DEFB129: variants seen among roughly 807,000 people sequenced by gnomAD.
The protein encoded by DEFB129 is defensin beta 129.
In DEFB129, 2 loss-of-function variants were observed where a neutral mutation model predicts 2.5. The observed-to-expected ratio is 0.80, with a 90% CI of 0.33 to 2.53. DEFB129 has a LOEUF of 2.53. Ranked by LOEUF, DEFB129 falls within the 30% of genes most tolerant of loss-of-function variation. DEFB129 has a pLI of 0.11. For synonymous variants in DEFB129, 76 were observed against 74.4 expected, an observed-to-expected ratio of 1.02 and a Z score of -0.11; for missense variants, 177 against 216.9, an observed-to-expected ratio of 0.82 and a Z score of 1.16.
rs371566068 is a variant in DEFB129, at chr20:229,455, T to C, written c.236T>C (p.Val79Ala). ...ACACCAAATGTACTTAATGAAGACG[T>C]CCAAGAAATGCTAAAACCTGCCAAG... ...YGTPNVLNED[V>A]QEMLKPAKNS... Residue 79 changes from valine to alanine, a missense_variant, in exon 2 of 2, where the codon GTC (valine) becomes GCC (alanine). Transcript: ENST00000246105. The C allele has an allele frequency of 5.3e-5, 86 of 1,613,990 alleles. No individual in the cohort carries two copies. The highest frequency in any genetic ancestry group is 6.9e-5 in the Non-Finnish European group (82 of 1,180,020).
Position 229,323 on chromosome 20 carries a change from G to A in DEFB129, c.104G>A (p.Arg35Lys). Residue 35 changes from arginine to lysine, a missense_variant, in exon 2 of 2, where the codon AGG becomes AAG. Arg to Lys is a conservative substitution (Grantham distance 26, BLOSUM62 2). Transcript: ENST00000246105. Reference protein sequence around the residue: ...RRCLMGLGRCRDHCNVDEKEI... With the variant: ...RRCLMGLGRCKDHCNVDEKEI... ...TGTTTAATGGGTTTGGGGAGATGCA[G>A]GGATCACTGCAATGTGGATGAAAAA... 2.5e-6 allele frequency: 4 copies of A among 1,612,592 alleles called. 1 individual carries two copies. Among genetic ancestry groups the A allele is most frequent in the Non-Finnish European group, 3.4e-6 (4 of 1,179,460 alleles).
Position 229,534 on chromosome 20 carries a change from C to T in DEFB129, c.315C>T (p.Ile105=). Residue 105 remains isoleucine (I), a synonymous_variant, in exon 2 of 2, where the codon ATC becomes ATT. Transcript: ENST00000246105. ...ATATTTTATCTGTTCTCCCCCAAAT[C>T]AAAAGCACTAGCTTTTTTGCTAATA... ...RKHILSVLPQ[I]KSTSFFANTN... is the part of the protein sequence containing the mutation. The T allele has an allele frequency of 1.2e-6, 2 of 1,614,156 alleles. No individual in the cohort carries two copies. The highest frequency in any genetic ancestry group is 2.2e-5 in the South Asian group (2 of 91,078).
chr20:229,082 G>T (rs1226343909), intron 1 of DEFB129, among the ~76,000 whole-genome samples, 196 bp from the exon 2 acceptor site: 1 of 152,144 alleles, frequency 6.6e-6, no homozygotes, highest in Non-Finnish European at 1.5e-5. Context: ...GACTAAACAG[G>T]AAATTTACTT....
intron 1 of DEFB129, among the ~76,000 whole-genome samples, chr20:227,795 G>T (rs990872262): frequency 6.6e-6 from 1 of 151,740 alleles, no homozygotes; most frequent in African/African-American, 2.4e-5. Context: ...CCAACCCATC[G>T]CCCAGGTATT....
In DEFB129 at chr20:229,503, G is replaced by T. The variant is rs187224668; in HGVS notation, c.284G>T (p.Arg95Ile). The T allele has an allele frequency of 1.7e-4, 270 of 1,614,096 alleles. No individual in the cohort carries two copies. The East Asian group carries it at 5.9e-3, about 35-fold the overall frequency. ...PAKNSSAVIQRKHILSVLPQI... is the reference protein window; with the variant it reads ...PAKNSSAVIQIKHILSVLPQI... Reference sequence around the variant, plus strand: ...AAGAATTCTAGTGCTGTGATACAAAGAAAACATATTTTATCTGTTCTCCCC... The same window carrying T: ...AAGAATTCTAGTGCTGTGATACAAATAAAACATATTTTATCTGTTCTCCCC... The change falls in exon 2 of 2, where the codon AGA becomes ATA. Residue 95 changes from arginine to isoleucine, a missense_variant. Transcript: ENST00000246105.
Position 229,474 on chromosome 20 carries a change from T to A in DEFB129, c.255T>A (p.Pro85=). The change falls in exon 2 of 2, where the codon CCT becomes CCA. Residue 85 remains proline, a synonymous_variant. Coordinates refer to ENST00000246105, the MANE Select transcript of DEFB129 (RefSeq NM_080831.4). ...AAGACGTCCAAGAAATGCTAAAACCTGCCAAGAATTCTAGTGCTGTGATAC... is the reference window on the plus strand; with the variant it reads ...AAGACGTCCAAGAAATGCTAAAACCAGCCAAGAATTCTAGTGCTGTGATAC... ...LNEDVQEMLK[P]AKNSSAVIQR... The A allele has an allele frequency of 6.2e-7, 1 of 1,614,142 alleles. No individual in the cohort carries two copies. Among genetic ancestry groups the A allele is most frequent in the Non-Finnish European group, 8.5e-7 (1 of 1,180,006 alleles).
intron 1 of DEFB129, 29 bp downstream of exon 1, chr20:227,375 G>A (rs1463877020): frequency 1.1e-5 from 17 of 1,612,480 alleles, no homozygotes; most frequent in Non-Finnish European, 1.4e-5. Context: ...TTTAAGATGG[G>A]TAGATGAGAG....
chr20:228,998 A>T (rs2011309460), intron 1 of DEFB129, among the ~76,000 whole-genome samples: 1 of 152,234 alleles, frequency 6.6e-6, no homozygotes, highest in African/African-American at 2.4e-5. Flanking sequence ...AAGGTCTAAA[A>T]TTCCATCCTA....
chr20:229,146 A>T (rs1285587857), intron 1 of DEFB129, 132 bp from the exon 2 acceptor site: 1 of 1,232,832 alleles, frequency 8.1e-7, no homozygotes, highest in Non-Finnish European at 1.1e-6. Context: ...GCCTTCATCA[A>T]CATTCCTAAA....
chr20:227,325 C>CTACA lies in DEFB129; in HGVS notation c.38_41dup (p.Gln14HisfsTer30). The stretch of plus-strand genomic sequence containing the variant: ...TTTTCCTATCTTTGCCAGCCTCATG[C>CTACA]TACAGTACCAGGTGAACACAGGTAA... On this transcript the variant is annotated frameshift_variant, in exon 1 of 2. Transcript: ENST00000246105. LOFTEE classifies it low-confidence loss of function (END_TRUNC). 1 of 1,614,124 alleles carries CTACA rather than the reference C, an allele frequency of 6.2e-7. No homozygotes were observed. Among genetic ancestry groups the CTACA allele is most frequent in the Non-Finnish European group, 8.5e-7 (1 of 1,179,980 alleles).
Position 229,325 on chromosome 20 carries a change from G to GA in DEFB129, c.107dup (p.Asp36GlufsTer7). 3 of 1,613,052 alleles carry GA rather than the reference G, an allele frequency of 1.9e-6. No individual in the cohort carries two copies. Among genetic ancestry groups the GA allele is most frequent in the Non-Finnish European group, 2.5e-6 (3 of 1,179,618 alleles). ...TTTAATGGGTTTGGGGAGATGCAGGGATCACTGCAATGTGGATGAAAAAGA... is the reference window on the plus strand; with the variant it reads ...TTTAATGGGTTTGGGGAGATGCAGGGAATCACTGCAATGTGGATGAAAAAGA... On this transcript the variant is annotated frameshift_variant, in exon 2 of 2. Coordinates refer to ENST00000246105, the MANE Select transcript of DEFB129 (RefSeq NM_080831.4). LOFTEE classifies it low-confidence loss of function (END_TRUNC).
intron 1 of DEFB129, 35 bp from the exon 2 acceptor site, chr20:229,243 A>G: frequency 6.5e-7 from 1 of 1,539,142 alleles, no homozygotes. Context: ...CTAGTTATTA[A>G]CCTTGGCTCA....
At position 227,305 on chromosome 20, in the gene DEFB129, CTA is replaced by C. The variant is rs762620348; in HGVS notation, c.19_20del (p.Ile7LeufsTer35). On this transcript the variant is annotated frameshift_variant, in exon 1 of 2. Coordinates refer to ENST00000246105, the MANE Select transcript of DEFB129 (RefSeq NM_080831.4). LOFTEE classifies it low-confidence loss of function (END_TRUNC). The stretch of plus-strand genomic sequence containing the variant: ...CACCCAACCATGAAGCTCCTTTTTC[CTA>C]TCTTTGCCAGCCTCATGCTACAGTA... 9.3e-6 allele frequency: 15 copies of C among 1,614,008 alleles called. No homozygotes were observed. The Admixed American group carries it at 1.3e-4, about 14-fold the overall frequency.
In DEFB129 at chr20:229,562, A is replaced by G. The variant is rs1193659575; in HGVS notation, c.343A>G (p.Asn115Asp). ...AAGCACTAGCTTTTTTGCTAATACC[A>G]ACTTTGTCATCATTCCAAATGCCAC... ...IKSTSFFANTNFVIIPNATPM... is the reference protein window; with the variant it reads ...IKSTSFFANTDFVIIPNATPM... The change falls in exon 2 of 2, where the codon AAC (asparagine) becomes GAC (aspartate). Residue 115 changes from asparagine (N) to aspartate (D), a missense_variant. By Grantham distance (23) the Asn-to-Asp change is conservative (BLOSUM62 1). Coordinates refer to ENST00000246105, the MANE Select transcript of DEFB129 (RefSeq NM_080831.4). 1 of 1,614,162 alleles carries G rather than the reference A, an allele frequency of 6.2e-7. No individual in the cohort carries two copies. The highest frequency in any genetic ancestry group is 2.2e-5 in the East Asian group (1 of 44,890).
rs919055527 is a variant in DEFB129, at chr20:229,830, C to T, written c.*59C>T. On this transcript the variant is annotated 3_prime_UTR_variant, in exon 2 of 2. Coordinates refer to ENST00000246105, the MANE Select transcript of DEFB129 (RefSeq NM_080831.4). ...TCTATTTTTGCTATCTATAAAATGA[C>T]ATAGAACTGTTTCCTCTGTCATCAG... 5.2e-6 allele frequency: 8 copies of T among 1,543,102 alleles called. No individual in the cohort carries two copies. The highest frequency in any genetic ancestry group is 5.0e-5 in the South Asian group (4 of 79,794).
chr20:229,791 ACT>A lies in DEFB129; in HGVS notation c.*22_*23del. ...CAGTAATGTGGATCTTTCCCTTAAA[ACT>A]CCAAGTTCCTCTCTATTTTTGCTAT... On this transcript the variant is annotated 3_prime_UTR_variant, in exon 2 of 2. Transcript: ENST00000246105. 2 of 1,587,130 alleles carry A rather than the reference ACT, an allele frequency of 1.3e-6. No homozygotes were observed. The highest frequency in any genetic ancestry group is 1.7e-6 in the Non-Finnish European group (2 of 1,171,538).
intron 1 of DEFB129, among the ~76,000 whole-genome samples, chr20:228,141 T>G (rs1312368851): frequency 1.3e-5 from 2 of 152,214 alleles, no homozygotes; most frequent in Non-Finnish European, 2.9e-5. Context: ...GATTAACCAT[T>G]GTTTTTGGAA....
At position 229,808 on chromosome 20, in the gene DEFB129, A is replaced by C; in HGVS notation, c.*37A>C. 1.9e-6 allele frequency: 3 copies of C among 1,572,534 alleles called. No individual in the cohort carries two copies. Among genetic ancestry groups the C allele is most frequent in the Non-Finnish European group, 2.6e-6 (3 of 1,166,310 alleles). ...CCCTTAAAACTCCAAGTTCCTCTCT[A>C]TTTTTGCTATCTATAAAATGACATA... On this transcript the variant is annotated 3_prime_UTR_variant, in exon 2 of 2. Coordinates refer to ENST00000246105, the MANE Select transcript of DEFB129 (RefSeq NM_080831.4).
Position 229,588 on chromosome 20 carries a change from C to T in DEFB129, c.369C>T (p.Thr123=), listed in dbSNP as rs545558741. The change falls in exon 2 of 2, where the codon ACC becomes ACT. Residue 123 remains threonine, a synonymous_variant. Transcript: ENST00000246105. ...ACTTTGTCATCATTCCAAATGCCAC[C>T]CCTATGAACTCTGCCACCATCAGCA... ...NTNFVIIPNA[T]PMNSATISTM... is the part of the protein sequence containing the mutation. 1.2e-6 allele frequency: 2 copies of T among 1,614,134 alleles called. No homozygotes were observed. The highest frequency in any genetic ancestry group is 3.3e-5 in the Admixed American group (2 of 60,018).
Sources: gnomAD v4.1 joint callset for allele counts (sites outside exome capture counted in the v4.1 genomes callset) on GRCh38, gnomAD v4.1.1 for gene constraint, MANE v1.5 for transcripts, NCBI Gene and HGNC (gene_info 2026-07-23, HGNC 2026-07-21) for gene names.